The following CFAP61 variants were observed in gnomAD, a reference collection of about 807,000 sequenced individuals.
CFAP61 encodes the protein cilia- and flagella-associated protein 61.
In CFAP61, 107 loss-of-function variants were observed where a neutral mutation model predicts 135.6. That is an observed-to-expected ratio of 0.79 (90% CI 0.67 to 0.93). CFAP61 has a LOEUF of 0.93. Among genes scored for constraint, CFAP61 ranks in the 40% least tolerant of loss-of-function variants. The pLI is 0.00. For missense variants in CFAP61, 1,507 were observed against 1,556.2 expected (o/e 0.97, Z 0.53); for synonymous variants, 575 against 578.5 (o/e 0.99, Z 0.09).
intron 25 of CFAP61, among the ~76,000 whole-genome samples, chr20:20,329,097 T>G (rs2122295182): frequency 6.6e-6 from 1 of 152,318 alleles, no homozygotes; most frequent in Admixed American, 6.5e-5. Flanking sequence ...TTGTCATTTC[T>G]TCTGCTGACA....
In CFAP61 at chr20:20,056,102, A is replaced by G. The variant is rs1600304993; in HGVS notation, c.-36-516A>G. ...TATTATGGAACCTCTCAAAGATGTT[A>G]ATGGGCCTGGTGGCCCTTCAGGAAG... On this transcript the variant is annotated intron_variant, in intron 1 of 26. Coordinates refer to ENST00000245957, the MANE Select transcript of CFAP61 (RefSeq NM_015585.4). The G allele has an allele frequency of 2.0e-5, 19 of 948,604 alleles. No homozygotes were observed. The East Asian group carries it at 4.8e-4, about 24-fold the overall frequency. The allele number at this position is 948,604 out of a possible 1,614,324, so 58.8% of individuals were successfully genotyped here.
Position 20,287,343 on chromosome 20 carries a change from T to C in CFAP61, c.2797-1266T>C, listed in dbSNP as rs181409445. Among the ~76,000 whole-genome samples, 564 of 152,284 alleles carry C rather than the reference T, an allele frequency of 3.7e-3. 1 individual carries two copies. Among genetic ancestry groups the C allele is most frequent in the Non-Finnish European group, 5.6e-3 (379 of 68,016 alleles). On this transcript the variant is annotated intron_variant, in intron 22 of 26. Transcript: ENST00000245957. ...GATGGATCTGAGTGCTGCTGTCCAA[T>C]AGAACCTTCTTCAAGATGGAAATAG...
intron 17 of CFAP61, chr20:20,200,861 C>G (rs1454833526): frequency 1.0e-6 from 1 of 985,274 alleles, no homozygotes; most frequent in African/African-American, 1.7e-5. Flanking sequence ...GGGCGTACCT[C>G]CATCAGACCA....
intron 18 of CFAP61, among the ~76,000 whole-genome samples, chr20:20,244,438 G>A (rs1268435496): frequency 2.0e-5 from 3 of 152,188 alleles, no homozygotes; most frequent in African/African-American, 7.2e-5. Flanking sequence ...ACCACATGGA[G>A]GCTGCCAAGG....
intron 26 of CFAP61, among the ~76,000 whole-genome samples, chr20:20,348,507 A>C (rs983327847): frequency 2.0e-5 from 3 of 151,908 alleles, no homozygotes; most frequent in African/African-American, 7.3e-5. Context: ...GACCAACATG[A>C]TGAAACCCTG....
chr20:20,328,139 G>A (rs1273331604), intron 25 of CFAP61, among the ~76,000 whole-genome samples: 1 of 152,250 alleles, frequency 6.6e-6, no homozygotes, highest in Non-Finnish European at 1.5e-5. Flanking sequence ...GTAGCACAGT[G>A]AGAGAAGGTC....
chr20:20,299,903 C>T (rs1244228479), intron 25 of CFAP61, among the ~76,000 whole-genome samples: 2 of 152,216 alleles, frequency 1.3e-5, no homozygotes, highest in African/African-American at 2.4e-5. Flanking sequence ...GCCCTAGAAC[C>T]GCTGGGTCAC....
chr20:20,085,634 TAC>T, intron 6 of CFAP61: 1 of 641,986 alleles, frequency 1.6e-6, no homozygotes, highest in Non-Finnish European at 2.6e-6. Flanking sequence ...TGTTTATAGC[TAC>T]AGAGTAATAT....
chr20:20,179,805 G>A (rs988030607), intron 13 of CFAP61, among the ~76,000 whole-genome samples: 1 of 152,172 alleles, frequency 6.6e-6, no homozygotes, highest in Non-Finnish European at 1.5e-5. Context: ...AAATCGTGCT[G>A]GGATAACTGG....
chr20:20,058,260 T>C (rs1490679240), intron 2 of CFAP61, among the ~76,000 whole-genome samples: 1 of 152,158 alleles, frequency 6.6e-6, no homozygotes, highest in Non-Finnish European at 1.5e-5. Flanking sequence ...AATGAAATGA[T>C]TTTATTTTTT....
intron 2 of CFAP61, among the ~76,000 whole-genome samples, chr20:20,062,126 T>G (rs2044849811): frequency 6.6e-6 from 1 of 151,906 alleles, no homozygotes; most frequent in Admixed American, 6.6e-5. Context: ...TGGAGGAGAA[T>G]TGAGGAGCCC....
intron 26 of CFAP61, among the ~76,000 whole-genome samples, chr20:20,347,881 C>T (rs919566163): frequency 2.8e-5 from 4 of 143,168 alleles, no homozygotes; most frequent in South Asian, 2.2e-4. Flanking sequence ...TTCAGTGAGC[C>T]GAGATCATGC....
At chr20:20,321,129 C>CA (rs1246273555) in intron 25 of CFAP61, among the ~76,000 whole-genome samples, 7 of 151,766 alleles carry the variant, frequency 4.6e-5, no homozygotes, top group Admixed American at 3.9e-4. Context: ...CAAATTTAAC[C>CA]AAAAAACTGT....
intron 23 of CFAP61, 95 bp from the exon 24 acceptor site, chr20:20,290,205 T>C: frequency 1.2e-6 from 1 of 801,296 alleles, no homozygotes; most frequent in South Asian, 1.4e-5. Context: ...CATACGCCAC[T>C]GCAGGCATCT....
At position 20,342,690 on chromosome 20, in the gene CFAP61, G is replaced by A. The variant is rs371319306; in HGVS notation, c.3513+769G>A. ...GTCACTTCCTCCTGGGAGCCCCCAC[G>A]CGCCTTATTGGACGGCACTGCTAGG... On this transcript the variant is annotated intron_variant, in intron 26 of 26. Coordinates refer to ENST00000245957, the MANE Select transcript of CFAP61 (RefSeq NM_015585.4). Among the ~76,000 whole-genome samples, 194 of 152,174 alleles carry A rather than the reference G, an allele frequency of 1.3e-3. 1 individual carries two copies. The highest frequency in any genetic ancestry group is 0.01 in the Middle Eastern group (3 of 294).
chr20:20,214,976 T>G (rs761261777), intron 17 of CFAP61: 1 of 152,256 alleles, frequency 6.6e-6, no homozygotes, highest in Admixed American at 6.5e-5. Flanking sequence ...ACCAAGGAAT[T>G]AAACCCCACT....
intron 25 of CFAP61, among the ~76,000 whole-genome samples, chr20:20,317,527 C>G (rs1044307262): frequency 6.6e-6 from 1 of 152,222 alleles, no homozygotes; most frequent in African/African-American, 2.4e-5. Context: ...TTGTCACCTT[C>G]TTCGCAAACC....
At chr20:20,231,285 G>T (rs1197365177) in intron 18 of CFAP61, among the ~76,000 whole-genome samples, 3 of 152,100 alleles carry the variant, frequency 2.0e-5, no homozygotes, top group African/African-American at 4.8e-5. Context: ...ACATCTCCTT[G>T]TCTGTGGTTG....
At chr20:20,281,507 T>C (rs2054194505) in intron 22 of CFAP61, among the ~76,000 whole-genome samples, 1 of 152,174 alleles carries the variant, frequency 6.6e-6, no homozygotes, top group Admixed American at 6.5e-5. Context: ...TAAAAAGAAA[T>C]ATGGAAATTT....
Sources: gnomAD v4.1 joint callset for allele counts (sites outside exome capture counted in the v4.1 genomes callset) on GRCh38, gnomAD v4.1.1 for gene constraint, MANE v1.5 for transcripts, NCBI Gene and HGNC (gene_info 2026-07-23, HGNC 2026-07-21) for gene names.